The following DIP2C variants were observed in gnomAD, a reference collection of about 807,000 sequenced individuals.
DIP2C encodes disco-interacting protein 2 homolog C.
A neutral mutation model predicts 192.4 loss-of-function variants in DIP2C; 33 were observed. The ratio of observed to expected loss-of-function variants is 0.17; its 90% CI spans 0.13 to 0.23. DIP2C has a LOEUF of 0.23. Ranked by LOEUF, DIP2C falls within the 10% of genes least tolerant of loss-of-function variation. DIP2C has a pLI of 1.00. For missense variants in DIP2C, 1,537 were observed against 2,110.1 expected (o/e 0.73, Z 5.32); for synonymous variants, 979 against 864.1 (o/e 1.13, Z -2.33).
At chr10:646,519 C>A (rs913191665) in intron 1 of DIP2C, among the ~76,000 whole-genome samples, 4 of 152,238 alleles carry the variant, frequency 2.6e-5, no homozygotes, top group Non-Finnish European at 5.9e-5. Flanking sequence ...GATCACAGGG[C>A]CTGCCTCATG....
chr10:513,249 AATAAAC>A (rs903322246), intron 1 of DIP2C, among the ~76,000 whole-genome samples: 4 of 152,238 alleles, frequency 2.6e-5, no homozygotes, highest in African/African-American at 9.6e-5. Flanking sequence ...AGACAAAAGA[AATAAAC>A]ATAAGCTACT....
At chr10:505,428 A>G (rs1355688501) in intron 1 of DIP2C, among the ~76,000 whole-genome samples, 2 of 152,162 alleles carry the variant, frequency 1.3e-5, no homozygotes, top group Non-Finnish European at 2.9e-5. Context: ...AAGGTTCTCA[A>G]CCTTTCCAAT....
chr10:546,012 T>TTA (rs1165447206), intron 1 of DIP2C, among the ~76,000 whole-genome samples: 5 of 152,202 alleles, frequency 3.3e-5, no homozygotes, highest in African/African-American at 1.2e-4. Context: ...CATGGTGGGC[T>TTA]TATGCCTGTA....
At chr10:385,220 T>TTG (rs1275805137) in intron 14 of DIP2C, among the ~76,000 whole-genome samples, 149 of 149,868 alleles carry the variant, frequency 9.9e-4, no homozygotes, top group African/African-American at 3.0e-3. Context: ...GGAGGAGCGG[T>TTG]CGCACAGGAC....
intron 9 of DIP2C, among the ~76,000 whole-genome samples, chr10:407,338 C>T (rs533091391): frequency 5.9e-5 from 9 of 152,262 alleles, no homozygotes; most frequent in East Asian, 5.8e-4. Context: ...ACATCTAGTC[C>T]GTGGATTTGG....
chr10:631,348 T>A (rs1588639681), intron 1 of DIP2C: 2 of 152,238 alleles, frequency 1.3e-5, no homozygotes, highest in African/African-American at 2.4e-5. Flanking sequence ...GTGTCTCGGG[T>A]GTTCCCAGGC....
chr10:551,102 T>TCC (rs1848562008), intron 1 of DIP2C, among the ~76,000 whole-genome samples: 1 of 150,486 alleles, frequency 6.6e-6, no homozygotes, highest in Non-Finnish European at 1.5e-5. Context: ...GCCTCGGTCC[T>TCC]CCCTCTGCCC....
Position 277,288 on chromosome 10 carries a change from C to T in DIP2C, c.*37G>A. 1 of 1,607,794 alleles carries T rather than the reference C, an allele frequency of 6.2e-7. No individual in the cohort carries two copies. The highest frequency in any genetic ancestry group is 8.5e-7 in the Non-Finnish European group (1 of 1,177,818). ...CAGTGGACACGGAGAACAATGTCTACATCTCTAGAAAAGTCCATGGAAGCC... is the reference window on the plus strand; with the variant it reads ...CAGTGGACACGGAGAACAATGTCTATATCTCTAGAAAAGTCCATGGAAGCC... On this transcript the variant is annotated 3_prime_UTR_variant, in exon 37 of 37. Transcript: ENST00000280886.
At chr10:394,404 G>C (rs1249273765) in intron 10 of DIP2C, among the ~76,000 whole-genome samples, 1 of 151,658 alleles carries the variant, frequency 6.6e-6, no homozygotes, top group Non-Finnish European at 1.5e-5. Flanking sequence ...GCCGTGTGCT[G>C]AACCAGGAGG....
At chr10:584,550 A>G in intron 1 of DIP2C, among the ~76,000 whole-genome samples, 1 of 116,254 alleles carries the variant, frequency 8.6e-6, no homozygotes, top group Non-Finnish European at 1.7e-5. Context: ...CACGGGCACC[A>G]CCTCTCTAGT....
At chr10:366,746 G>T (rs1027806690) in intron 18 of DIP2C, among the ~76,000 whole-genome samples, 3 of 152,154 alleles carry the variant, frequency 2.0e-5, no homozygotes, top group South Asian at 4.1e-4. Context: ...TGCCACACCA[G>T]ACATCAGCAA....
chr10:404,078 G>A (rs1482932362), intron 9 of DIP2C, among the ~76,000 whole-genome samples: 1 of 151,482 alleles, frequency 6.6e-6, no homozygotes, highest in Non-Finnish European at 1.5e-5. Flanking sequence ...ATCAGCACAT[G>A]AATCCTATGA....
rs1158117352 is a variant in DIP2C, at chr10:609,826, G to T, written c.85+79668C>A. Among the ~76,000 whole-genome samples, 2 of 152,184 alleles carry T rather than the reference G, an allele frequency of 1.3e-5. 1 individual carries two copies. Among genetic ancestry groups the T allele is most frequent in the Non-Finnish European group, 2.9e-5 (2 of 68,028 alleles). ...GTGAGGCAATGTCCAGGGTCACTGG[G>T]ACCCCTGCTTGGTCAGTGCAGCCGG... On this transcript the variant is annotated intron_variant, in intron 1 of 36. Transcript: ENST00000280886.
intron 32 of DIP2C, among the ~76,000 whole-genome samples, chr10:294,882 G>T (rs1445105985): frequency 1.3e-5 from 2 of 151,968 alleles, no homozygotes; most frequent in Non-Finnish European, 2.9e-5. Flanking sequence ...ACAACCTACA[G>T]AATAAAAGAA....
intron 1 of DIP2C, among the ~76,000 whole-genome samples, chr10:549,991 AC>A (rs1392252869): frequency 6.7e-6 from 1 of 150,282 alleles, no homozygotes; most frequent in African/African-American, 2.4e-5. Context: ...TACAGAAGCA[AC>A]AAGGGACGTG....
At chr10:417,902 A>ACAGGCC (rs1564686000) in intron 6 of DIP2C, among the ~76,000 whole-genome samples, 1 of 107,710 alleles carries the variant, frequency 9.3e-6, no homozygotes, top group Non-Finnish European at 1.9e-5. Context: ...CAGGGCTCGG[A>ACAGGCC]TAGGCCTCCC....
chr10:590,915 TC>T (rs1041894889), intron 1 of DIP2C, among the ~76,000 whole-genome samples: 17 of 150,874 alleles, frequency 1.1e-4, no homozygotes, highest in Admixed American at 1.1e-3. Flanking sequence ...GCGTGAGAAT[TC>T]CCCCCTCGGT....
At chr10:569,882 G>T (rs912341663) in intron 1 of DIP2C, among the ~76,000 whole-genome samples, 1 of 152,090 alleles carries the variant, frequency 6.6e-6, no homozygotes, top group East Asian at 1.9e-4. Flanking sequence ...AAGCCATCTG[G>T]GTTTACCTTC....
chr10:523,945 T>TGG (rs1846893559), intron 1 of DIP2C, among the ~76,000 whole-genome samples: 2 of 152,108 alleles, frequency 1.3e-5, no homozygotes, highest in African/African-American at 4.8e-5. Context: ...ACCTGAGGGG[T>TGG]GGGCCAAGGG....
Sources: gnomAD v4.1 joint callset for allele counts (sites outside exome capture counted in the v4.1 genomes callset) on GRCh38, gnomAD v4.1.1 for gene constraint, MANE v1.5 for transcripts, NCBI Gene and HGNC (gene_info 2026-07-23, HGNC 2026-07-21) for gene names.